The following LRRC71 variants were observed in gnomAD, a reference collection of about 807,000 sequenced individuals.
LRRC71 encodes the protein leucine-rich repeat-containing protein 71.
Under a neutral mutation model 66.6 loss-of-function variants are expected in LRRC71, and 54 were observed. The ratio of observed to expected loss-of-function variants is 0.81; its 90% CI spans 0.65 to 1.02. The LOEUF (loss-of-function observed/expected upper bound fraction) is 1.02, where lower values mean the gene tolerates loss of function less well. LRRC71 is among the 50% of genes least tolerant of loss of function. LRRC71 has a pLI of 0.00. For missense variants in LRRC71, 724 were observed against 718.0 expected, an observed-to-expected ratio of 1.01 and a Z score of -0.10; for synonymous variants, 323 against 303.9, an observed-to-expected ratio of 1.06 and a Z score of -0.65.
intron 14 of LRRC71, 109 bp downstream of exon 14, chr1:156,932,654 G>A (rs759147692): frequency 1.2e-6 from 2 of 1,610,248 alleles, no homozygotes; most frequent in Non-Finnish European, 1.7e-6. Flanking sequence ...AGGAAGGTCT[G>A]TAGTTTCTCT....
chr1:156,920,727 C>T lies in LRRC71; in HGVS notation c.-77C>T. ...AGAGATCCCCTGATTCAGCCACCCC[C>T]AGACTGAGCCCCGTAGAGTGCGTTC... On this transcript the variant is annotated 5_prime_UTR_variant, in exon 1 of 15. Transcript: ENST00000337428. This position sits in a 1 kb window ranked among gnomAD's most constrained non-coding sequence, Gnocchi z 4.9. 1.2e-5 allele frequency: 17 copies of T among 1,396,818 alleles called. No individual in the cohort carries two copies. The highest frequency in any genetic ancestry group is 3.4e-5 in the South Asian group (2 of 58,702). 86.5% of individuals were successfully genotyped at this position (1,396,818 alleles called of 1,614,324 possible).
At chr1:156,928,350 TCTCTTCTTCTTC>T (rs1441712804) in intron 9 of LRRC71, among the ~76,000 whole-genome samples, 18 of 77,008 alleles carry the variant, frequency 2.3e-4, no homozygotes, top group African/African-American at 7.0e-4. Flanking sequence ...CTTCTTTCTT[TCTCTTCTTCTTC>T]CTCTTCTTCT....
rs544013147 is a variant in LRRC71, at chr1:156,927,078, TG to T, written c.594-117del. ...GAATTGTCACATATATTTCCTATAT[TG>T]GGGGGGCAATCCTTTGACTCTACTT... On this transcript the variant is annotated intron_variant, in intron 5 of 14. Coordinates refer to ENST00000337428, the MANE Select transcript of LRRC71 (RefSeq NM_144702.3). 3.0e-5 allele frequency: 23 copies of T among 774,190 alleles called. No homozygotes were observed. The African/African-American group carries it at 3.1e-4, about 11-fold the overall frequency. 48.0% of individuals were successfully genotyped at this position (774,190 alleles called of 1,614,324 possible).
chr1:156,929,802 C>T, intron 11 of LRRC71, 73 bp downstream of exon 11: 1 of 1,294,656 alleles, frequency 7.7e-7, no homozygotes, highest in Admixed American at 2.2e-5. Flanking sequence ...GTGCAGGAAG[C>T]TGTTCTGGGC....
Position 156,924,960 on chromosome 1 carries a change from G to A in LRRC71, c.538G>A (p.Asp180Asn), listed in dbSNP as rs1041061835. The change falls in exon 5 of 15, where the codon GAT becomes AAT. Residue 180 changes from aspartate to asparagine, a missense_variant. Coordinates refer to ENST00000337428, the MANE Select transcript of LRRC71 (RefSeq NM_144702.3). ...AINLWKVGLT[D>N]KTLTTFIELL... ...CAGCTTGTGGAAGGTGGGGCTGACC[G>A]ATAAGACCCTGACCACCTTCATCGA... 17 of 1,551,676 alleles carry A rather than the reference G, an allele frequency of 1.1e-5. No homozygotes were observed. The highest frequency in any genetic ancestry group is 1.3e-5 in the Non-Finnish European group (15 of 1,147,000).
chr1:156,933,942 C>T (rs1557799591), downstream of LRRC71, among the ~76,000 whole-genome samples: 2 of 152,214 alleles, frequency 1.3e-5, no homozygotes, highest in Admixed American at 1.3e-4. Flanking sequence ...CTCAGTGGCA[C>T]CTAGGCCTGT....
chr1:156,924,809 C>T, intron 4 of LRRC71, 91 bp downstream of exon 4: 1 of 1,507,050 alleles, frequency 6.6e-7, no homozygotes, highest in Admixed American at 2.0e-5. Flanking sequence ...CATGGGAGAC[C>T]CTGGCGACGG....
chr1:156,927,231 C>CG lies in LRRC71; in HGVS notation c.625dup (p.Glu209GlyfsTer23). Reference sequence around the variant, plus strand: ...GTGTCTCTGGAGGGGAACCCACTGCCGGAGCAGTCCTATCACAAGCTCATG... The same window carrying CG: ...GTGTCTCTGGAGGGGAACCCACTGCCGGGAGCAGTCCTATCACAAGCTCATG... On this transcript the variant is annotated frameshift_variant, in exon 6 of 15. Coordinates refer to ENST00000337428, the MANE Select transcript of LRRC71 (RefSeq NM_144702.3). LOFTEE classifies it high-confidence loss of function. 1 of 1,613,594 alleles carries CG rather than the reference C, an allele frequency of 6.2e-7. No individual in the cohort carries two copies.
chr1:156,927,448 G>T, intron 6 of LRRC71, 48 bp from the exon 7 acceptor site: 1 of 1,518,866 alleles, frequency 6.6e-7, no homozygotes. Flanking sequence ...TCCGGCGGAC[G>T]CCCTGTACCT....
the LRRC71 span, among the ~76,000 whole-genome samples, chr1:156,938,185 C>T: frequency 6.6e-6 from 1 of 152,214 alleles, no homozygotes; most frequent in African/African-American, 2.4e-5. Context: ...AGGCATTTAT[C>T]CCTGCCATTC....
chr1:156,937,428 T>G (rs764914556), downstream of LRRC71: 2 of 1,577,834 alleles, frequency 1.3e-6, no homozygotes, highest in Non-Finnish European at 1.7e-6. Flanking sequence ...GGGGGGCTCA[T>G]GGGTGCCTCT....
chr1:156,930,653 C>A (rs779859059), intron 12 of LRRC71, 36 bp downstream of exon 12: 2 of 1,532,594 alleles, frequency 1.3e-6, no homozygotes, highest in African/African-American at 1.4e-5. Flanking sequence ...AGGGGGCACA[C>A]CCCTGGGATT....
chr1:156,924,119 C>T (rs983941858), intron 2 of LRRC71, 21 bp downstream of exon 2: 2 of 1,548,384 alleles, frequency 1.3e-6, no homozygotes, highest in Non-Finnish European at 1.7e-6. Context: ...GTGGAGCTCC[C>T]CGGTGCCTGC....
At chr1:156,936,926 A>T (rs150545454), downstream of LRRC71, 31 of 1,613,860 alleles carry the variant, frequency 1.9e-5, no homozygotes, top group African/African-American at 4.0e-4. Flanking sequence ...TTCTGTGTGG[A>T]AACTGCCCAC....
rs575860546 is a variant in LRRC71 at position 156,920,773 on chromosome 1, A to C, written c.-31A>C. The C allele has an allele frequency of 2.0e-5, 29 of 1,476,856 alleles. No individual in the cohort carries two copies. The African/African-American group carries it at 3.4e-4, about 17-fold the overall frequency. 91.5% of individuals were successfully genotyped at this position (1,476,856 alleles called of 1,614,324 possible). ...CGTTCTTACCTTCCTGCCCCGACGA[A>C]GGTCCCAGAGACGCTGCGGACAACA... On this transcript the variant is annotated 5_prime_UTR_variant, in exon 1 of 15. Coordinates refer to ENST00000337428, the MANE Select transcript of LRRC71 (RefSeq NM_144702.3). This position sits in a 1 kb window ranked among gnomAD's most constrained non-coding sequence, Gnocchi z 4.9.
rs1653493563 is a variant in LRRC71, at chr1:156,927,949, T to C, written c.941T>C (p.Val314Ala). The C allele has an allele frequency of 6.2e-7, 1 of 1,611,834 alleles. No individual in the cohort carries two copies. ...LRAFELTHTE[V>A]VERRRLLLEK... is the part of the protein sequence containing the mutation. ...GCCTTCGAGCTGACACACACCGAAGTGGTGGAGCGCCGACGCCTCCTGCTG... is the reference window on the plus strand; with the variant it reads ...GCCTTCGAGCTGACACACACCGAAGCGGTGGAGCGCCGACGCCTCCTGCTG... The change falls in exon 9 of 15, where the codon GTG becomes GCG. Residue 314 changes from valine (V) to alanine (A), a missense_variant. Val to Ala is a moderately conservative substitution (Grantham distance 64, BLOSUM62 0). Transcript: ENST00000337428.
At chr1:156,930,770 CCAA>C (rs2101654945) in intron 12 of LRRC71, among the ~76,000 whole-genome samples, 153 bp downstream of exon 12, 2 of 152,306 alleles carry the variant, frequency 1.3e-5, no homozygotes, top group South Asian at 4.1e-4. Flanking sequence ...CACTCCTGTC[CCAA>C]CCTCACCTGA....
At chr1:156,936,270 C>T, downstream of LRRC71, 1 of 740,378 alleles carries the variant, frequency 1.4e-6, no homozygotes, top group Admixed American at 1.7e-5. Flanking sequence ...AGGTATGTGC[C>T]TTGTCTTCCT....
intron 10 of LRRC71, 63 bp from the exon 11 acceptor site, chr1:156,929,573 C>T (rs937883940): frequency 1.9e-6 from 3 of 1,538,590 alleles, no homozygotes; most frequent in Non-Finnish European, 2.6e-6. Flanking sequence ...GGGCTCCTTC[C>T]CTCACCACTG....
Sources: gnomAD v4.1 joint callset for allele counts (sites outside exome capture counted in the v4.1 genomes callset) on GRCh38, gnomAD v4.1.1 for gene constraint, Gnocchi (gnomAD v3.1) non-coding constraint, MANE v1.5 for transcripts, NCBI Gene and HGNC (gene_info 2026-07-23, HGNC 2026-07-21) for gene names.